DNAJC3: variants seen among roughly 807,000 people sequenced by gnomAD.
DNAJC3 encodes the protein DnaJ heat shock protein family (Hsp40) member C3, also known as dnaJ homolog subfamily C member 3.
Under a neutral mutation model 68.6 loss-of-function variants are expected in DNAJC3, and 38 were observed. That is an observed-to-expected ratio of 0.55 (90% confidence interval 0.43 to 0.73). The LOEUF (loss-of-function observed/expected upper bound fraction) is 0.73. Among genes scored for constraint, DNAJC3 ranks in the 30% least tolerant of loss-of-function variants. DNAJC3 has a pLI of 0.00. For missense variants in DNAJC3, 526 were observed against 591.9 expected (o/e 0.89, Z 1.16); for synonymous variants, 203 against 204.0 (o/e 1.00, Z 0.04).
chr13:95,759,340 C>T (rs745451055), intron 5 of DNAJC3, among the ~76,000 whole-genome samples: 1 of 152,094 alleles, frequency 6.6e-6, no homozygotes, highest in Non-Finnish European at 1.5e-5. Context: ...GAGACTGGGT[C>T]TCTCTCTGTT....
intron 9 of DNAJC3, among the ~76,000 whole-genome samples, chr13:95,783,294 T>C (rs979639650): frequency 6.6e-6 from 1 of 152,322 alleles, no homozygotes; most frequent in Non-Finnish European, 1.5e-5. Context: ...TGTCTTATGT[T>C]GGGAAAAATG....
chr13:95,688,828 C>T (rs1019009350), intron 1 of DNAJC3, among the ~76,000 whole-genome samples: 4 of 151,824 alleles, frequency 2.6e-5, no homozygotes, highest in African/African-American at 9.7e-5. Context: ...GATGATCATA[C>T]GGGTTTTGTT....
intron 4 of DNAJC3, among the ~76,000 whole-genome samples, chr13:95,749,697 T>C (rs1364896241): frequency 6.6e-6 from 1 of 151,710 alleles, no homozygotes; most frequent in African/African-American, 2.4e-5. Flanking sequence ...ATTGGATGTG[T>C]ACATAAGAGG....
chr13:95,751,968 C>T (rs908688907), intron 4 of DNAJC3, among the ~76,000 whole-genome samples: 4 of 152,156 alleles, frequency 2.6e-5, no homozygotes, highest in Non-Finnish European at 2.9e-5. Context: ...GACCCACTCC[C>T]GTGATACAAT....
intron 9 of DNAJC3, among the ~76,000 whole-genome samples, chr13:95,771,912 T>C (rs1044492380): frequency 1.3e-5 from 2 of 152,154 alleles, no homozygotes; most frequent in Non-Finnish European, 2.9e-5. Context: ...AAAGCTTCAT[T>C]CCTTCAGCAT....
intron 1 of DNAJC3, among the ~76,000 whole-genome samples, chr13:95,707,230 C>T (rs1430500453): frequency 1.3e-5 from 2 of 152,142 alleles, no homozygotes; most frequent in Non-Finnish European, 2.9e-5. Context: ...GGTGGTAATG[C>T]TCTCTGGCTT....
At chr13:95,754,081 T>C (rs1882575435) in intron 4 of DNAJC3, among the ~76,000 whole-genome samples, 1 of 152,222 alleles carries the variant, frequency 6.6e-6, no homozygotes, top group Non-Finnish European at 1.5e-5. Context: ...ATTTATATGA[T>C]TTCACAGTTT....
chr13:95,677,325 C>G lies in DNAJC3; in HGVS notation c.70C>G (p.Leu24Val), dbSNP rs1372847230. 6.3e-7 allele frequency: 1 copy of G among 1,598,926 alleles called. No individual in the cohort carries two copies. The highest frequency in any genetic ancestry group is 1.7e-5 in the Admixed American group (1 of 58,652). The change falls in exon 1 of 12, where the codon CTG becomes GTG. Residue 24 changes from leucine (L) to valine (V), a missense_variant. Coordinates refer to ENST00000602402, the MANE Select transcript of DNAJC3 (RefSeq NM_006260.5). ...CCCCTTCCTGCTAGTCCTGGTGGAT[C>G]TGCAGTACGAAGGTGAGTCCTGCCC... Reference protein sequence around the residue: ...VFPFLLVLVDLQYEGAECGVN... With the variant: ...VFPFLLVLVDVQYEGAECGVN...
chr13:95,734,970 TC>T (rs1304897100), intron 4 of DNAJC3, among the ~76,000 whole-genome samples: 1 of 50,504 alleles, frequency 2.0e-5, no homozygotes, highest in Non-Finnish European at 3.8e-5. Context: ...CCCTCCCCCC[TC>T]CCCCCCACCC....
chr13:95,761,994 C>T (rs1882839290), intron 7 of DNAJC3, among the ~76,000 whole-genome samples: 1 of 152,098 alleles, frequency 6.6e-6, no homozygotes, highest in South Asian at 2.1e-4. Flanking sequence ...TGAGTAGTTT[C>T]CATGGTATGG....
chr13:95,690,300 G>C (rs1464425688), intron 1 of DNAJC3, among the ~76,000 whole-genome samples: 2 of 151,960 alleles, frequency 1.3e-5, no homozygotes, highest in Admixed American at 1.3e-4. Flanking sequence ...ACAGGGTTGG[G>C]GGTAAGGTCA....
chr13:95,743,884 A>T (rs1882224816), intron 4 of DNAJC3, among the ~76,000 whole-genome samples: 1 of 152,152 alleles, frequency 6.6e-6, no homozygotes, highest in Non-Finnish European at 1.5e-5. Flanking sequence ...AATAGTAGTT[A>T]TCCTTAATAT....
intron 4 of DNAJC3, among the ~76,000 whole-genome samples, chr13:95,725,965 G>A (rs1276519477): frequency 2.0e-5 from 3 of 151,288 alleles, no homozygotes; most frequent in African/African-American, 7.3e-5. Flanking sequence ...GAGAATGATG[G>A]TTTCCAGTTT....
At chr13:95,712,607 A>T (rs899052341) in intron 2 of DNAJC3, among the ~76,000 whole-genome samples, 1 of 151,794 alleles carries the variant, frequency 6.6e-6, no homozygotes, top group East Asian at 1.9e-4. Flanking sequence ...GAACTTCCTG[A>T]CCTCAAGTCA....
At position 95,721,262 on chromosome 13, in the gene DNAJC3, A is replaced by T. The variant is rs775695672; in HGVS notation, c.194-1980A>T. ...TTCATTTCTCTGTAAGGCTGAATGA[A>T]TAACCTGCTGTATGTATGGTATATC... On this transcript the variant is annotated intron_variant, in intron 2 of 11. Transcript: ENST00000602402. 2.0e-5 allele frequency among the ~76,000 whole-genome samples: 3 copies of T among 152,200 alleles called. 1 individual carries two copies. In the South Asian group the frequency reaches 6.2e-4, roughly 31 times the overall value.
intron 2 of DNAJC3, among the ~76,000 whole-genome samples, chr13:95,711,361 G>T (rs747150655): frequency 1.3e-5 from 2 of 152,206 alleles, no homozygotes; most frequent in South Asian, 2.1e-4. Flanking sequence ...GCCAAGCGTG[G>T]TGGTGGCCAC....
rs1594029362 is a variant in DNAJC3, at chr13:95,783,483, G to A, written c.1076-2456G>A. Among the ~76,000 whole-genome samples the A allele has an allele frequency of 2.0e-5, 3 of 152,302 alleles. No individual in the cohort carries two copies. In the East Asian group the frequency reaches 5.8e-4, roughly 29 times the overall value. On this transcript the variant is annotated intron_variant, in intron 9 of 11. Coordinates refer to ENST00000602402, the MANE Select transcript of DNAJC3 (RefSeq NM_006260.5). The stretch of plus-strand genomic sequence containing the variant: ...GGTCTGTTTCCTTACTAAGCTATGT[G>A]TTGTGTTATGGGTGTTCATTGTAAA...
At chr13:95,781,425 A>T (rs1883450214) in intron 9 of DNAJC3, among the ~76,000 whole-genome samples, 2 of 152,084 alleles carry the variant, frequency 1.3e-5, no homozygotes, top group South Asian at 4.2e-4. Flanking sequence ...GTGTGCTTGC[A>T]TTGTGGTTCT....
intron 1 of DNAJC3, among the ~76,000 whole-genome samples, chr13:95,684,615 C>T (rs1225372461): frequency 6.6e-6 from 1 of 152,154 alleles, no homozygotes; most frequent in Non-Finnish European, 1.5e-5. Flanking sequence ...TGCTGATAGC[C>T]AAGACAATGG....
Sources: allele counts gnomAD v4.1 joint callset (sites outside exome capture counted in the v4.1 genomes callset), GRCh38; gene constraint gnomAD v4.1.1; transcripts MANE v1.5; gene names NCBI Gene and HGNC (gene_info 2026-07-23, HGNC 2026-07-21).